GALNT13: variants seen among roughly 807,000 people sequenced by gnomAD.
The protein encoded by GALNT13 is polypeptide N-acetylgalactosaminyltransferase 13.
GALNT13 carries 28 observed loss-of-function variants against 64.2 expected under a neutral mutation model. The observed-to-expected ratio is 0.44, with a 90% CI of 0.32 to 0.60. The LOEUF (loss-of-function observed/expected upper bound fraction) is 0.60, where lower values mean the gene tolerates loss of function less well. Among genes scored for constraint, GALNT13 ranks in the 20% least tolerant of loss-of-function variants. The pLI, the probability that GALNT13 is intolerant of heterozygous loss-of-function variation, is 0.05. For synonymous variants in GALNT13, 214 were observed against 224.6 expected, an observed-to-expected ratio of 0.95 and a Z score of 0.42; for missense variants, 577 against 669.8, an observed-to-expected ratio of 0.86 and a Z score of 1.53.
the GALNT13 span, among the ~76,000 whole-genome samples, chr2:153,536,558 T>G: frequency 1.3e-5 from 2 of 152,192 alleles, no homozygotes; most frequent in African/African-American, 2.4e-5. Context: ...GAGAGAGATA[T>G]CAAGTTTTAA....
At chr2:154,423,374 G>C (rs374248785) in intron 11 of GALNT13, among the ~76,000 whole-genome samples, 1 of 152,080 alleles carries the variant, frequency 6.6e-6, no homozygotes, top group East Asian at 1.9e-4. Context: ...ATAAACATAC[G>C]TGTGCATGTG....
chr2:154,270,182 G>A (rs986170257), intron 8 of GALNT13, among the ~76,000 whole-genome samples: 12 of 151,430 alleles, frequency 7.9e-5, no homozygotes, highest in East Asian at 1.9e-4. Flanking sequence ...TTAAGGCATC[G>A]TAATTTCAAT....
the GALNT13 span, among the ~76,000 whole-genome samples, chr2:153,104,163 G>C: frequency 6.6e-6 from 1 of 152,030 alleles, no homozygotes; most frequent in African/African-American, 2.4e-5. Flanking sequence ...AAAATTTTGA[G>C]TTATATGCTT....
rs1472609984 is a variant in GALNT13, at chr2:154,451,247, C to T, written c.*696C>T. On this transcript the variant is annotated 3_prime_UTR_variant, in exon 13 of 13. Transcript: ENST00000392825. ...AAGATGAGTCTAATCCGCAGCACTTCGATCACTGTGAGAGAACTCAAAGTG... is the reference window on the plus strand; with the variant it reads ...AAGATGAGTCTAATCCGCAGCACTTTGATCACTGTGAGAGAACTCAAAGTG... The T allele has an allele frequency of 1.3e-5, 2 of 152,108 alleles. No individual in the cohort carries two copies. The highest frequency in any genetic ancestry group is 2.9e-5 in the Non-Finnish European group (2 of 68,016). The allele number at this position is 152,108 out of a possible 1,614,324, so 9.4% of individuals were successfully genotyped here.
At chr2:153,681,685 G>A in the GALNT13 span, among the ~76,000 whole-genome samples, 6 of 151,376 alleles carry the variant, frequency 4.0e-5, no homozygotes, top group Admixed American at 3.3e-4. Flanking sequence ...GACACTTTGC[G>A]TGTGTCTTCT....
At chr2:153,124,350 A>T in the GALNT13 span, among the ~76,000 whole-genome samples, 1 of 152,222 alleles carries the variant, frequency 6.6e-6, no homozygotes, top group Non-Finnish European at 1.5e-5. Flanking sequence ...ATGTTGTTTT[A>T]AGCCACTAAG....
chr2:153,071,118 GGATGTATTTATTTCATTTTCTGGTAT>G, the GALNT13 span, among the ~76,000 whole-genome samples: 115 of 152,252 alleles, frequency 7.6e-4, 1 homozygote, highest in Middle Eastern at 0.017. Flanking sequence ...TTCTTCCCTG[GGATGTATTTATTTCATTTTCTGGTAT>G]CCAAAACTTA....
At chr2:153,803,851 G>T in the GALNT13 span, among the ~76,000 whole-genome samples, 1 of 152,106 alleles carries the variant, frequency 6.6e-6, no homozygotes, top group African/African-American at 2.4e-5. Context: ...TATCTTGCCA[G>T]CACCTTAGTC....
intron 9 of GALNT13, among the ~76,000 whole-genome samples, chr2:154,307,946 G>A (rs1433969573): frequency 6.6e-6 from 1 of 152,084 alleles, no homozygotes; most frequent in Non-Finnish European, 1.5e-5. Context: ...TTGATATGCT[G>A]GCTGTTTTAT....
At chr2:154,028,998 A>G (rs1698163996) in intron 3 of GALNT13, among the ~76,000 whole-genome samples, 1 of 152,074 alleles carries the variant, frequency 6.6e-6, no homozygotes, top group Non-Finnish European at 1.5e-5. Flanking sequence ...ATACTGCCAG[A>G]TAGCAGTAAG....
At chr2:153,178,810 A>G in the GALNT13 span, among the ~76,000 whole-genome samples, 15 of 139,982 alleles carry the variant, frequency 1.1e-4, no homozygotes, top group Admixed American at 1.2e-3. Flanking sequence ...ATCTTGGCTC[A>G]CCACAGTCTC....
chr2:153,634,839 A>G, the GALNT13 span, among the ~76,000 whole-genome samples: 1 of 151,554 alleles, frequency 6.6e-6, no homozygotes, highest in Admixed American at 6.6e-5. Context: ...GTGAGCCACC[A>G]TGCCCAGCTG....
chr2:154,298,662 T>A lies in GALNT13; in HGVS notation c.976-2747T>A. On this transcript the variant is annotated intron_variant, in intron 8 of 12. Transcript: ENST00000392825. ...TTATATATACATTGTATATACAATT[T>A]ATATATACATTGTATATACAATTTA... 1.3e-4 allele frequency among the ~76,000 whole-genome samples: 14 copies of A among 107,570 alleles called. 6 individuals carry two copies. Among genetic ancestry groups the A allele is most frequent in the African/African-American group, 4.3e-4 (12 of 27,780 alleles). 70.6% of individuals were successfully genotyped at this position (107,570 alleles called of 152,430 possible). A position where few individuals can be genotyped will look rare whatever the true frequency, so the allele number is the denominator to read the frequency against.
chr2:153,354,453 C>T, the GALNT13 span, among the ~76,000 whole-genome samples: 1 of 152,138 alleles, frequency 6.6e-6, no homozygotes, highest in African/African-American at 2.4e-5. Flanking sequence ...GTCCTAATAA[C>T]TGACTGAAGG....
the GALNT13 span, among the ~76,000 whole-genome samples, chr2:153,492,338 A>G: frequency 1.3e-5 from 2 of 152,256 alleles, no homozygotes; most frequent in Non-Finnish European, 2.9e-5. Context: ...AGGAAGCAGA[A>G]GACAGCCACA....
intron 8 of GALNT13, among the ~76,000 whole-genome samples, chr2:154,288,201 C>T (rs12623347): frequency 0.53 from 80,360 of 151,732 alleles, 22,254 homozygotes; most frequent in East Asian, 0.77. Context: ...TATAAAACAT[C>T]GGATCTCATG....
the GALNT13 span, among the ~76,000 whole-genome samples, chr2:153,435,702 G>C: frequency 8.9e-4 from 135 of 152,288 alleles, 1 homozygote; most frequent in East Asian, 0.023. Flanking sequence ...TGCTGAAGTT[G>C]CTTATCAGCT....
the GALNT13 span, among the ~76,000 whole-genome samples, chr2:153,127,580 C>T: frequency 1.4e-4 from 21 of 152,112 alleles, no homozygotes; most frequent in Admixed American, 1.4e-3. Context: ...ATCCAAACAC[C>T]AGTTTTATCA....
At chr2:153,500,458 A>C in the GALNT13 span, among the ~76,000 whole-genome samples, 1 of 152,158 alleles carries the variant, frequency 6.6e-6, no homozygotes, top group Non-Finnish European at 1.5e-5. Flanking sequence ...TTATTTTTTC[A>C]AAAAAGAAAC....
Sources: gnomAD v4.1 joint callset for allele counts (sites outside exome capture counted in the v4.1 genomes callset) on GRCh38, gnomAD v4.1.1 for gene constraint, MANE v1.5 for transcripts, NCBI Gene and HGNC (gene_info 2026-07-23, HGNC 2026-07-21) for gene names.